The following AXIN1 variants were observed in gnomAD, a reference collection of about 807,000 sequenced individuals.
The protein encoded by AXIN1 is axin 1.
Under a neutral mutation model 76.4 loss-of-function variants are expected in AXIN1, and 30 were observed. That is an observed-to-expected ratio of 0.39 (90% CI 0.29 to 0.53). AXIN1 has a LOEUF of 0.53. Among genes scored for constraint, AXIN1 ranks in the 20% least tolerant of loss-of-function variants. The pLI is 0.66. For missense variants in AXIN1, 1,140 were observed against 1,198.8 expected, an observed-to-expected ratio of 0.95 and a Z score of 0.72; for synonymous variants, 545 against 501.4, an observed-to-expected ratio of 1.09 and a Z score of -1.16.
chr16:303,423 C>G (rs1002268110), intron 5 of AXIN1, among the ~76,000 whole-genome samples: 8 of 151,544 alleles, frequency 5.3e-5, no homozygotes, highest in Non-Finnish European at 1.2e-4. Context: ...CTCTTGTCAT[C>G]CAGGCTGGAG....
chr16:294,392 G>C (rs1444171942), intron 7 of AXIN1, among the ~76,000 whole-genome samples: 2 of 150,016 alleles, frequency 1.3e-5, no homozygotes, highest in Non-Finnish European at 3.0e-5. Context: ...GAACCTGGGA[G>C]GCAGAGGTTG....
chr16:290,871 G>T (rs2052538316), intron 9 of AXIN1: 3 of 457,384 alleles, frequency 6.6e-6, no homozygotes, highest in Non-Finnish European at 1.2e-5. Context: ...GCCGGGTGGA[G>T]GCGCAGGCAG....
Position 287,777 on chromosome 16 carries a change from C to G in AXIN1, c.*345G>C, listed in dbSNP as rs2141456912. The G allele has an allele frequency of 2.2e-6, 1 of 446,508 alleles. No homozygotes were observed. Among genetic ancestry groups the G allele is most frequent in the East Asian group, 4.0e-5 (1 of 25,172 alleles). The allele number at this position is 446,508 out of a possible 1,614,324, so 27.7% of individuals were successfully genotyped here. The stretch of plus-strand genomic sequence containing the variant: ...CAGACCTGGGTACGTGGGCAAATCC[C>G]AGAGGGAAAGTAGATCCCAGCACAC... On this transcript the variant is annotated 3_prime_UTR_variant, in exon 11 of 11. Transcript: ENST00000262320.
chr16:290,863 C>T (rs751686151), intron 9 of AXIN1: 235 of 443,788 alleles, frequency 5.3e-4, no homozygotes, highest in Non-Finnish European at 7.9e-4. Context: ...CGTTCCAAGC[C>T]GGGTGGAGGC....
intron 2 of AXIN1, among the ~76,000 whole-genome samples, chr16:320,036 TC>T (rs1375781621): frequency 6.6e-6 from 1 of 152,120 alleles, no homozygotes; most frequent in Non-Finnish European, 1.5e-5. Flanking sequence ...CATGTCTCAA[TC>T]CCACACATCA....
At position 289,565 on chromosome 16, in the gene AXIN1, C is replaced by T. The variant is rs763721478; in HGVS notation, c.2337G>A (p.Pro779=). 33 of 1,612,868 alleles carry T rather than the reference C, an allele frequency of 2.0e-5. No homozygotes were observed. Among genetic ancestry groups the T allele is most frequent in the South Asian group, 1.1e-4 (10 of 91,092 alleles). Residue 779 remains proline (P), a synonymous_variant, in exon 10 of 11, where the codon CCG becomes CCA. Transcript: ENST00000262320. ...AGTACGCCACAACGATGCTGTCACA[C>T]GGCTGGGCACTCCCGCCGCCCACCT... ...QRKVGGGSAQ[P]CDSIVVAYYF...
chr16:326,616 C>T (rs1178130348), intron 2 of AXIN1, among the ~76,000 whole-genome samples: 1 of 147,764 alleles, frequency 6.8e-6, no homozygotes, highest in East Asian at 2.1e-4. Context: ...GGCGTGGTGG[C>T]ACGCCTGTAG....
intron 2 of AXIN1, among the ~76,000 whole-genome samples, chr16:329,272 C>T (rs1296545226): frequency 4.2e-5 from 3 of 71,196 alleles, no homozygotes; most frequent in East Asian, 4.4e-4. Context: ...GCGAGACTGT[C>T]AAAAAAAAAA....
chr16:295,107 T>C (rs2052675009), intron 7 of AXIN1, among the ~76,000 whole-genome samples: 2 of 151,110 alleles, frequency 1.3e-5, no homozygotes, highest in Admixed American at 6.6e-5. Flanking sequence ...TTTTTTTTTT[T>C]CTTTTTTTGA....
chr16:291,083 G>A (rs944888703), intron 9 of AXIN1, 107 bp downstream of exon 9: 34 of 1,037,626 alleles, frequency 3.3e-5, no homozygotes, highest in South Asian at 2.0e-4. Flanking sequence ...GCTTCTGAGC[G>A]TGGTACCCGA....
intron 2 of AXIN1, among the ~76,000 whole-genome samples, chr16:316,323 G>A (rs2053301457): frequency 6.6e-6 from 1 of 152,222 alleles, no homozygotes; most frequent in African/African-American, 2.4e-5. Flanking sequence ...AGATACAGCT[G>A]TTAGCATTAA....
At chr16:300,829 G>A (rs542040191) in intron 5 of AXIN1, among the ~76,000 whole-genome samples, 1 of 152,206 alleles carries the variant, frequency 6.6e-6, no homozygotes. Flanking sequence ...AAAGTGTTTG[G>A]AGTTTTGATG....
At chr16:289,992 CAG>C in intron 9 of AXIN1, 1 of 354,416 alleles carries the variant, frequency 2.8e-6, no homozygotes, top group South Asian at 2.5e-5. Flanking sequence ...ATTGGACAAA[CAG>C]AACTGTGCAC....
intron 10 of AXIN1, among the ~76,000 whole-genome samples, chr16:288,822 C>G (rs1446398096): frequency 6.6e-6 from 1 of 152,248 alleles, no homozygotes; most frequent in African/African-American, 2.4e-5. Flanking sequence ...GCTTTTCAGT[C>G]AGGCAAAAGC....
intron 4 of AXIN1, among the ~76,000 whole-genome samples, chr16:307,548 A>G (rs982090220): frequency 2.6e-5 from 4 of 151,978 alleles, no homozygotes; most frequent in Non-Finnish European, 5.9e-5. Context: ...GTAGAAGACA[A>G]TTTTTCCATG....
In AXIN1 at chr16:310,002, T is replaced by G; in HGVS notation, c.1087A>C (p.Asn363His). The change falls in exon 4 of 11, where the codon AAT becomes CAT. Residue 363 changes from asparagine to histidine, a missense_variant. By Grantham distance (68) the Asn-to-His change is moderately conservative. Coordinates refer to ENST00000262320, the MANE Select transcript of AXIN1 (RefSeq NM_003502.4). The part of the protein sequence containing the change: ...RREMQESVQV[N>H]GRVPLPHIPR... The stretch of plus-strand genomic sequence containing the variant: ...ATGTGAGGTAGGGGCACCCGCCCAT[T>G]GACCTGCACGCTCTCCTGCATCTCC... 6.2e-7 allele frequency: 1 copy of G among 1,613,532 alleles called. No individual in the cohort carries two copies. Among genetic ancestry groups the G allele is most frequent in the Non-Finnish European group, 8.5e-7 (1 of 1,180,016 alleles).
chr16:289,329 G>C (rs1327625506), intron 10 of AXIN1, 111 bp downstream of exon 10: 1 of 1,422,476 alleles, frequency 7.0e-7, no homozygotes, highest in Non-Finnish European at 9.7e-7. Context: ...GCCTCCCAAA[G>C]TGCCAGGATT....
intron 4 of AXIN1, among the ~76,000 whole-genome samples, chr16:306,178 C>T (rs771886881): frequency 2.6e-5 from 4 of 152,008 alleles, no homozygotes; most frequent in Non-Finnish European, 2.9e-5. Flanking sequence ...TACACACACA[C>T]GCACACACAC....
chr16:325,060 G>A (rs1461718203), intron 2 of AXIN1, among the ~76,000 whole-genome samples: 1 of 152,076 alleles, frequency 6.6e-6, no homozygotes, highest in Admixed American at 6.5e-5. Flanking sequence ...CCAGATCACA[G>A]CCTCAGCCCC....
Sources: gnomAD v4.1 joint callset for allele counts (sites outside exome capture counted in the v4.1 genomes callset) on GRCh38, gnomAD v4.1.1 for gene constraint, MANE v1.5 for transcripts, NCBI Gene and HGNC (gene_info 2026-07-23, HGNC 2026-07-21) for gene names.